CDH13: variants seen among roughly 807,000 people sequenced by gnomAD.
The protein encoded by CDH13 is cadherin 13.
In CDH13, 24 loss-of-function variants were observed where a neutral mutation model predicts 63.8. The observed-to-expected ratio is 0.38, with a 90% CI of 0.27 to 0.53. The LOEUF is 0.53. Among genes scored for constraint, CDH13 ranks in the 20% least tolerant of loss-of-function variants. The pLI is 0.85. For synonymous variants in CDH13, 503 were observed against 355.3 expected (o/e 1.42, Z -4.67); for missense variants, 1,049 against 903.1 (o/e 1.16, Z -2.07).
intron 2 of CDH13, among the ~76,000 whole-genome samples, chr16:83,021,646 ACT>A (rs1389908187): frequency 6.6e-6 from 1 of 152,080 alleles, no homozygotes; most frequent in Non-Finnish European, 1.5e-5. Context: ...TAGAATTGAA[ACT>A]CTATTTTATC....
At chr16:83,223,717 G>C (rs111723366) in intron 5 of CDH13, among the ~76,000 whole-genome samples, 93 of 152,360 alleles carry the variant, frequency 6.1e-4, no homozygotes, top group African/African-American at 1.6e-3. Context: ...AGGACTCTAG[G>C]TGCAAGAGAG....
At chr16:83,606,763 G>C (rs1908376648) in intron 8 of CDH13, among the ~76,000 whole-genome samples, 1 of 150,824 alleles carries the variant, frequency 6.6e-6, no homozygotes, top group Non-Finnish European at 1.5e-5. Flanking sequence ...GACAGACCCA[G>C]GCCAGTTTGG....
At chr16:83,224,368 C>A (rs138656037) in intron 5 of CDH13, among the ~76,000 whole-genome samples, 1 of 151,494 alleles carries the variant, frequency 6.6e-6, no homozygotes, top group East Asian at 2.0e-4. Context: ...TGTAGATACT[C>A]AGTAGTGGGA....
chr16:83,072,254 A>T (rs143889243), intron 3 of CDH13, among the ~76,000 whole-genome samples: 76 of 152,252 alleles, frequency 5.0e-4, no homozygotes, highest in African/African-American at 1.7e-3. Context: ...AAGAAACCAA[A>T]CTCACTTGTC....
chr16:83,495,670 A>T, intron 7 of CDH13, among the ~76,000 whole-genome samples: 1 of 152,186 alleles, frequency 6.6e-6, no homozygotes, highest in East Asian at 1.9e-4. Flanking sequence ...TTCCTTCCTT[A>T]TCTGTCATGT....
At chr16:82,932,614 G>GA (rs1273373946) in intron 2 of CDH13, among the ~76,000 whole-genome samples, 2 of 152,104 alleles carry the variant, frequency 1.3e-5, no homozygotes, top group African/African-American at 2.4e-5. Flanking sequence ...AAACTTTACT[G>GA]AAAAAATGTG....
At chr16:82,760,787 G>A (rs1379902747) in intron 1 of CDH13, among the ~76,000 whole-genome samples, 1 of 152,040 alleles carries the variant, frequency 6.6e-6, no homozygotes, top group Non-Finnish European at 1.5e-5. Flanking sequence ...TTACAATCAT[G>A]GTGTAAGGTG....
intron 7 of CDH13, among the ~76,000 whole-genome samples, chr16:83,599,011 C>G (rs766427986): frequency 6.6e-6 from 1 of 152,240 alleles, no homozygotes; most frequent in South Asian, 2.1e-4. Context: ...TTGGCCAGGC[C>G]TGAACCATAT....
intron 13 of CDH13, among the ~76,000 whole-genome samples, chr16:83,786,647 G>A (rs928277096): frequency 1.3e-5 from 2 of 151,326 alleles, no homozygotes; most frequent in African/African-American, 4.9e-5. Flanking sequence ...AAGTACAGTG[G>A]CGTCATCTCA....
At chr16:83,285,023 C>T (rs2089273687) in intron 5 of CDH13, among the ~76,000 whole-genome samples, 1 of 152,156 alleles carries the variant, frequency 6.6e-6, no homozygotes, top group Non-Finnish European at 1.5e-5. Flanking sequence ...GGTTCAGACA[C>T]CTTTTCTGCA....
At chr16:83,620,677 G>T (rs1201480444) in intron 8 of CDH13, among the ~76,000 whole-genome samples, 1 of 152,204 alleles carries the variant, frequency 6.6e-6, no homozygotes, top group Non-Finnish European at 1.5e-5. Context: ...CCAGCAAAGA[G>T]GGTCTTGTTG....
intron 6 of CDH13, among the ~76,000 whole-genome samples, chr16:83,359,178 G>A (rs188003039): frequency 6.6e-6 from 1 of 152,282 alleles, no homozygotes; most frequent in African/African-American, 2.4e-5. Context: ...TACAGCACAA[G>A]GGTTGAGATG....
chr16:82,997,846 TTAAC>T (rs1567729222), intron 2 of CDH13, among the ~76,000 whole-genome samples: 1 of 152,218 alleles, frequency 6.6e-6, no homozygotes, highest in Non-Finnish European at 1.5e-5. Flanking sequence ...GTCAAAGAGA[TTAAC>T]TACCAGTTGC....
intron 5 of CDH13, among the ~76,000 whole-genome samples, chr16:83,240,726 T>TTC (rs1904356061): frequency 7.3e-6 from 1 of 137,336 alleles, no homozygotes; most frequent in Non-Finnish European, 1.6e-5. Flanking sequence ...TCTTTTTTTT[T>TTC]TTTTTTTTTT....
At chr16:83,197,478 A>G (rs919818206) in intron 4 of CDH13, among the ~76,000 whole-genome samples, 5 of 152,150 alleles carry the variant, frequency 3.3e-5, no homozygotes, top group Admixed American at 3.3e-4. Context: ...ATGCTCTCAA[A>G]TACTGGGTTT....
intron 1 of CDH13, among the ~76,000 whole-genome samples, chr16:82,656,315 G>A (rs1433993216): frequency 2.0e-5 from 3 of 148,316 alleles, no homozygotes; most frequent in African/African-American, 7.4e-5. Flanking sequence ...TGGTGTGCGT[G>A]TGTGTGTGTG....
chr16:83,753,154 T>C (rs922458943), intron 11 of CDH13, among the ~76,000 whole-genome samples: 3 of 152,154 alleles, frequency 2.0e-5, no homozygotes, highest in African/African-American at 7.2e-5. Context: ...CCCTTATAAA[T>C]CAGAGCAACT....
chr16:83,774,516 G>A (rs12596822), intron 11 of CDH13, among the ~76,000 whole-genome samples: 22,411 of 152,048 alleles, frequency 0.15, 2,161 homozygotes, highest in East Asian at 0.44. Context: ...GGGATTACAG[G>A]CACGTGCCAT....
At chr16:83,010,236 T>C (rs1376184129) in intron 2 of CDH13, among the ~76,000 whole-genome samples, 1 of 151,586 alleles carries the variant, frequency 6.6e-6, no homozygotes, top group East Asian at 1.9e-4. Flanking sequence ...CTGCTGATCC[T>C]GGCACAGCAC....
Sources: allele counts gnomAD v4.1 joint callset (sites outside exome capture counted in the v4.1 genomes callset), GRCh38; gene constraint gnomAD v4.1.1; transcripts MANE v1.5; gene names NCBI Gene and HGNC (gene_info 2026-07-23, HGNC 2026-07-21).